Variants in DHX57 observed in about 807,000 individuals in gnomAD.
DHX57 encodes DExH-box helicase 57.
A neutral mutation model predicts 156.2 loss-of-function variants in DHX57; 105 were observed. The ratio of observed to expected loss-of-function variants is 0.67; its 90% CI spans 0.57 to 0.79. The LOEUF (loss-of-function observed/expected upper bound fraction) is 0.79, where lower values mean the gene tolerates loss of function less well. Ranked by LOEUF, DHX57 falls within the 30% of genes least tolerant of loss-of-function variation. DHX57 has a pLI of 0.00. For missense variants in DHX57, 1,847 were observed against 1,661.9 expected, an observed-to-expected ratio of 1.11 and a Z score of -1.94; for synonymous variants, 704 against 595.6, an observed-to-expected ratio of 1.18 and a Z score of -2.65.
chr2:38,840,510 A>T (rs1372409132), intron 12 of DHX57, among the ~76,000 whole-genome samples: 1 of 151,640 alleles, frequency 6.6e-6, no homozygotes, highest in Non-Finnish European at 1.5e-5. Flanking sequence ...CCTCCCAAAT[A>T]GTTGGGACTA....
rs540196617 is a variant in DHX57 at position 38,826,248 on chromosome 2, G to C, written c.2814-201C>G. Reference sequence around the variant, plus strand: ...AGTGCAGAGTTTCCCAAACTACACAGTTTCTTTATTCAACCCCTTTTCATA... The same window carrying C: ...AGTGCAGAGTTTCCCAAACTACACACTTTCTTTATTCAACCCCTTTTCATA... On this transcript the variant is annotated intron_variant, in intron 15 of 23. Coordinates refer to ENST00000457308, the MANE Select transcript of DHX57 (RefSeq NM_198963.3). 2.6e-5 allele frequency among the ~76,000 whole-genome samples: 4 copies of C among 152,280 alleles called. No individual in the cohort carries two copies. In the South Asian group the frequency reaches 8.3e-4, roughly 32 times the overall value.
Position 38,797,823 on chromosome 2 carries a change from G to C in DHX57, c.*476C>G, listed in dbSNP as rs1171138593. The stretch of plus-strand genomic sequence containing the variant: ...TAGCCTAAAATGAAATTTTAATTTT[G>C]CTTGTTCACATAATTTTGGGTTTTT... On this transcript the variant is annotated 3_prime_UTR_variant, in exon 24 of 24. Coordinates refer to ENST00000457308, the MANE Select transcript of DHX57 (RefSeq NM_198963.3). 6.3e-6 allele frequency: 1 copy of C among 159,516 alleles called. No individual in the cohort carries two copies. The highest frequency in any genetic ancestry group is 1.5e-5 in the Non-Finnish European group (1 of 68,150). 9.9% of individuals were successfully genotyped at this position (159,516 alleles called of 1,614,324 possible).
intron 12 of DHX57, among the ~76,000 whole-genome samples, chr2:38,841,665 A>C (rs1450602987): frequency 6.6e-6 from 1 of 152,078 alleles, no homozygotes; most frequent in Non-Finnish European, 1.5e-5. Context: ...CTTTTTTGGG[A>C]AGAACTAAGA....
chr2:38,868,137 G>C, intron 2 of DHX57, 45 bp downstream of exon 2: 1 of 1,603,330 alleles, frequency 6.2e-7, no homozygotes, highest in Non-Finnish European at 8.5e-7. Context: ...TACATTAGGG[G>C]TTGATACCAT....
At chr2:38,871,292 T>C (rs1390366147) in intron 1 of DHX57, among the ~76,000 whole-genome samples, 3 of 152,208 alleles carry the variant, frequency 2.0e-5, no homozygotes, top group Non-Finnish European at 4.4e-5. Context: ...GTAATATGTA[T>C]GTAATATATT....
Position 38,863,347 on chromosome 2 carries a change from A to T in DHX57, c.383+14T>A. On this transcript the variant is annotated intron_variant, in intron 3 of 23. Coordinates refer to ENST00000457308, the MANE Select transcript of DHX57 (RefSeq NM_198963.3). ...TTCCTTAATATAATAATTGACTCAA[A>T]TAAAACAATTTACTCAGATCCAGCA... 6.2e-7 allele frequency: 1 copy of T among 1,601,980 alleles called. No individual in the cohort carries two copies. Among genetic ancestry groups the T allele is most frequent in the Non-Finnish European group, 8.5e-7 (1 of 1,176,740 alleles).
chr2:38,810,434 C>A, intron 21 of DHX57: 1 of 527,490 alleles, frequency 1.9e-6, no homozygotes, highest in South Asian at 1.4e-5. Context: ...GTACAGGGGT[C>A]TATTTGGCAG....
Position 38,835,275 on chromosome 2 carries a change from G to A in DHX57, c.2542+2556C>T, listed in dbSNP as rs1012083621. 3.9e-5 allele frequency among the ~76,000 whole-genome samples: 6 copies of A among 152,318 alleles called. No individual in the cohort carries two copies. In the South Asian group the frequency reaches 1.2e-3, roughly 32 times the overall value. On this transcript the variant is annotated intron_variant, in intron 13 of 23. Coordinates refer to ENST00000457308, the MANE Select transcript of DHX57 (RefSeq NM_198963.3). ...TGAGTACCAGGATTTAAGGCAGGAA[G>A]GGATAGGCTAAATCTACTCTTTTGT...
chr2:38,819,034 AGGT>A lies in DHX57; in HGVS notation c.3387+12_3387+14del, dbSNP rs1246438417. On this transcript the variant is annotated intron_variant, in intron 18 of 23. Coordinates refer to ENST00000457308, the MANE Select transcript of DHX57 (RefSeq NM_198963.3). ...ACACTGGTAATAAAACTAAGCTATT[AGGT>A]TATATACTTACCTTATACGCTTGTA... 1.2e-6 allele frequency: 2 copies of A among 1,613,978 alleles called. No individual in the cohort carries two copies. The highest frequency in any genetic ancestry group is 2.7e-5 in the African/African-American group (2 of 74,870).
intron 13 of DHX57, among the ~76,000 whole-genome samples, chr2:38,837,202 T>A (rs1048039667): frequency 5.9e-5 from 9 of 152,200 alleles, no homozygotes; most frequent in African/African-American, 2.2e-4. Flanking sequence ...CTACTGAGCC[T>A]TAACTATACT....
Position 38,825,918 on chromosome 2 carries a change from G to C in DHX57, c.2943C>G (p.His981Gln). The change falls in exon 16 of 24, where the codon CAC becomes CAG. Residue 981 changes from histidine (H) to glutamine (Q), a missense_variant. Transcript: ENST00000457308. The part of the protein sequence containing the change: ...GVCFHLFTSH[H>Q]YNHQLLKQQL... ...GTTGTTTTAAAAGCTGGTGATTGTA[G>C]TGATGGCTAGTGAATAAATGGAAGC... 6.2e-7 allele frequency: 1 copy of C among 1,614,188 alleles called. No homozygotes were observed. Among genetic ancestry groups the C allele is most frequent in the African/African-American group, 1.3e-5 (1 of 75,058 alleles).
intron 13 of DHX57, among the ~76,000 whole-genome samples, chr2:38,832,544 TATATATA>T (rs1671437150): frequency 4.0e-5 from 1 of 25,114 alleles, no homozygotes; most frequent in African/African-American, 5.2e-5. Context: ...TATATATATA[TATATATA>T]TTTTTTTTTT....
At chr2:38,865,461 A>G (rs750025510) in intron 2 of DHX57, among the ~76,000 whole-genome samples, 1 of 152,184 alleles carries the variant, frequency 6.6e-6, no homozygotes, top group Non-Finnish European at 1.5e-5. Flanking sequence ...AGGCCACCCC[A>G]GCCCTGTGGT....
intron 10 of DHX57, among the ~76,000 whole-genome samples, chr2:38,847,437 G>A (rs757270787): frequency 2.5e-4 from 38 of 152,134 alleles, no homozygotes; most frequent in South Asian, 8.3e-4. Flanking sequence ...TTTACTGCCA[G>A]CATTCCCTAT....
In DHX57 at chr2:38,861,286, T is replaced by C. The variant is rs1196113159; in HGVS notation, c.1124A>G (p.Tyr375Cys). Reference sequence around the variant, plus strand: ...CAGAGGTAGGTTCTCATTGGTGGAATAAAATGCCACGAGCGGAGCTTGGTA... The same window carrying C: ...CAGAGGTAGGTTCTCATTGGTGGAACAAAATGCCACGAGCGGAGCTTGGTA... ...YPYQAPLVAF[Y>C]STNENLPLAC... The change falls in exon 5 of 24, where the codon TAT becomes TGT. Residue 375 changes from tyrosine (Y) to cysteine (C), a missense_variant. Transcript: ENST00000457308. 1 of 1,614,092 alleles carries C rather than the reference T, an allele frequency of 6.2e-7. No homozygotes were observed. The highest frequency in any genetic ancestry group is 8.5e-7 in the Non-Finnish European group (1 of 1,180,052).
chr2:38,836,918 T>C (rs1671699586), intron 13 of DHX57, among the ~76,000 whole-genome samples: 1 of 152,134 alleles, frequency 6.6e-6, no homozygotes, highest in Admixed American at 6.6e-5. Context: ...AGTGGTGCGA[T>C]CATGGCTCAT....
chr2:38,860,986 A>G lies in DHX57; in HGVS notation c.1411+13T>C. 1.2e-6 allele frequency: 2 copies of G among 1,603,580 alleles called. No individual in the cohort carries two copies. The highest frequency in any genetic ancestry group is 1.7e-6 in the Non-Finnish European group (2 of 1,172,866). ...CTGAATGCCTCCCTCCACAAGATCA[A>G]TGCCTTACATACCTTCTGGAATTTG... On this transcript the variant is annotated intron_variant, in intron 5 of 23. Transcript: ENST00000457308.
chr2:38,862,468 T>C (rs1340354582), intron 3 of DHX57, 135 bp from the exon 4 acceptor site: 10 of 813,896 alleles, frequency 1.2e-5, no homozygotes, highest in Non-Finnish European at 1.7e-5. Context: ...TATATTGAAC[T>C]ATTAATTTAT....
At position 38,823,247 on chromosome 2, in the gene DHX57, T is replaced by C; in HGVS notation, c.3037A>G (p.Ser1013Gly). Residue 1013 changes from serine (S) to glycine (G), a missense_variant, in exon 17 of 24, where the codon AGT (serine) becomes GGT (glycine). Transcript: ENST00000457308. ...CLRIKILEMF[S>G]AHNLQSVFSR... is the part of the protein sequence containing the mutation. Reference sequence around the variant, plus strand: ...AACACAGACTGGAGATTATGAGCACTAAACATCTCTAAAATTTTAATTCTG... The same window carrying C: ...AACACAGACTGGAGATTATGAGCACCAAACATCTCTAAAATTTTAATTCTG... 6.2e-7 allele frequency: 1 copy of C among 1,612,078 alleles called. No homozygotes were observed. Among genetic ancestry groups the C allele is most frequent in the African/African-American group, 1.3e-5 (1 of 74,954 alleles).
Sources: allele counts gnomAD v4.1 joint callset (sites outside exome capture counted in the v4.1 genomes callset), GRCh38; gene constraint gnomAD v4.1.1; transcripts MANE v1.5; gene names NCBI Gene and HGNC (gene_info 2026-07-23, HGNC 2026-07-21).